The following CDH6 variants were observed in gnomAD, a reference collection of about 807,000 sequenced individuals.
The protein encoded by CDH6 is cadherin 6, also known as cadherin-6.
A neutral mutation model predicts 78.0 loss-of-function variants in CDH6; 31 were observed. The observed-to-expected ratio is 0.40, with a 90% CI of 0.30 to 0.54. CDH6 has a LOEUF of 0.54. CDH6 is among the 20% of genes least tolerant of loss of function. CDH6 has a pLI of 0.56. For synonymous variants in CDH6, 376 were observed against 368.8 expected (o/e 1.02, Z -0.23); for missense variants, 724 against 975.9 (o/e 0.74, Z 3.44).
At chr5:31,253,927 C>G (rs1424285381) in intron 1 of CDH6, among the ~76,000 whole-genome samples, 1 of 152,046 alleles carries the variant, frequency 6.6e-6, no homozygotes, top group Non-Finnish European at 1.5e-5. Flanking sequence ...ACAGTAATCC[C>G]TCCTGATCTG....
chr5:31,267,767 A>G (rs1443692843), intron 2 of CDH6, 66 bp downstream of exon 2: 4 of 1,174,740 alleles, frequency 3.4e-6, no homozygotes, highest in Non-Finnish European at 5.1e-6. Context: ...TCTAATAAAT[A>G]GATGGGGAGG....
intron 2 of CDH6, among the ~76,000 whole-genome samples, chr5:31,278,628 A>T (rs1742767143): frequency 6.6e-6 from 1 of 152,212 alleles, no homozygotes; most frequent in Admixed American, 6.5e-5. Context: ...AAGAGAAATC[A>T]TTTAAAACCT....
intron 1 of CDH6, among the ~76,000 whole-genome samples, chr5:31,257,443 G>T (rs1417133376): frequency 6.6e-6 from 1 of 152,224 alleles, no homozygotes; most frequent in African/African-American, 2.4e-5. Flanking sequence ...GATTACAGGC[G>T]TGAGCCACCG....
intron 2 of CDH6, among the ~76,000 whole-genome samples, chr5:31,286,729 A>T (rs932645976): frequency 7.2e-5 from 11 of 152,146 alleles, no homozygotes; most frequent in African/African-American, 2.7e-4. Flanking sequence ...TCTTAAGTTG[A>T]TCTAGTTACA....
chr5:31,287,944 C>G (rs1465085373), intron 2 of CDH6, among the ~76,000 whole-genome samples: 1 of 152,124 alleles, frequency 6.6e-6, no homozygotes, highest in African/African-American at 2.4e-5. Context: ...TCTTTTTTTC[C>G]TCTTTCACAT....
chr5:31,299,420 A>T, intron 4 of CDH6, 44 bp from the exon 5 acceptor site: 1 of 1,485,496 alleles, frequency 6.7e-7, no homozygotes, highest in Non-Finnish European at 9.3e-7. Context: ...TCCATAAAGT[A>T]TTCTTAATGC....
rs184768891 is a variant in CDH6, at chr5:31,276,125, G to A, written c.228+8424G>A. On this transcript the variant is annotated intron_variant, in intron 2 of 11. Transcript: ENST00000265071. ...ACCAAGATGACAATAAAATGTAACCGTCATGAACATGCTAAATACATCAGC... is the reference window on the plus strand; with the variant it reads ...ACCAAGATGACAATAAAATGTAACCATCATGAACATGCTAAATACATCAGC... Among the ~76,000 whole-genome samples the A allele has an allele frequency of 9.6e-4, 146 of 152,292 alleles. 1 individual carries two copies. The Middle Eastern group carries it at 0.017, about 18-fold the overall frequency.
At chr5:31,224,196 G>A (rs1741081269) in intron 1 of CDH6, among the ~76,000 whole-genome samples, 1 of 152,178 alleles carries the variant, frequency 6.6e-6, no homozygotes, top group Admixed American at 6.5e-5. Flanking sequence ...CATCTCACAT[G>A]GATGGCAGTA....
In CDH6 at chr5:31,323,937, G is replaced by A. The variant is rs58612348; in HGVS notation, c.*629G>A. ...GCAAATTAAACGGTAACATCCAAAA[G>A]CAACCACAAACCTAGTACGACTTCA... On this transcript the variant is annotated 3_prime_UTR_variant, in exon 12 of 12. Coordinates refer to ENST00000265071, the MANE Select transcript of CDH6 (RefSeq NM_004932.4). The A allele has an allele frequency of 5.9e-3, 1,351 of 229,272 alleles. 27 individuals are homozygous for A. Among genetic ancestry groups the A allele is most frequent in the East Asian group, 0.048 (770 of 15,956 alleles). 14.2% of individuals were successfully genotyped at this position (229,272 alleles called of 1,614,324 possible).
intron 7 of CDH6, among the ~76,000 whole-genome samples, chr5:31,308,738 A>C (rs1230103377): frequency 6.6e-6 from 1 of 152,122 alleles, no homozygotes. Context: ...GCTGCCTTCA[A>C]CTAAAAATTC....
rs552344494 is a variant in CDH6 at position 31,327,962 on chromosome 5, C to T, written c.*4654C>T. 1 of 214,390 alleles carries T rather than the reference C, an allele frequency of 4.7e-6. No individual in the cohort carries two copies. Among genetic ancestry groups the T allele is most frequent in the African/African-American group, 2.3e-5 (1 of 44,358 alleles). The allele number at this position is 214,390 out of a possible 1,614,324, so 13.3% of individuals were successfully genotyped here. ...TGCTGAGACAATCTTTAATCTACTC[C>T]CCTTTTTGTAATACCTTATTTATGG... On this transcript the variant is annotated 3_prime_UTR_variant, in exon 12 of 12. Transcript: ENST00000265071.
intron 3 of CDH6, among the ~76,000 whole-genome samples, chr5:31,295,253 A>T (rs1202153093): frequency 6.6e-6 from 1 of 152,148 alleles, no homozygotes; most frequent in Non-Finnish European, 1.5e-5. Context: ...GATGACTGGA[A>T]TTTTGTTTTT....
At chr5:31,275,816 T>A (rs903358495) in intron 2 of CDH6, among the ~76,000 whole-genome samples, 37 of 152,194 alleles carry the variant, frequency 2.4e-4, no homozygotes, top group Non-Finnish European at 4.9e-4. Context: ...TCCATTGATA[T>A]GAAAAGCCAA....
At chr5:31,198,937 C>T (rs1277730995) in intron 1 of CDH6, among the ~76,000 whole-genome samples, 2 of 152,068 alleles carry the variant, frequency 1.3e-5, no homozygotes, top group Non-Finnish European at 2.9e-5. Flanking sequence ...GGAGGAATAT[C>T]TTTTTCAAAG....
At position 31,297,556 on chromosome 5, in the gene CDH6, C is replaced by T. The variant is rs1436988722; in HGVS notation, c.643+148C>T. On this transcript the variant is annotated intron_variant, in intron 4 of 11. Transcript: ENST00000265071. Reference sequence around the variant, plus strand: ...ACTAATGATATATTTGTAAACATGACATCTGAATAATTTTAATCAAAAAAT... The same window carrying T: ...ACTAATGATATATTTGTAAACATGATATCTGAATAATTTTAATCAAAAAAT... The T allele has an allele frequency of 5.1e-6, 3 of 590,072 alleles. No individual in the cohort carries two copies. The African/African-American group carries it at 5.7e-5, about 11-fold the overall frequency. The allele number at this position is 590,072 out of a possible 1,614,324, so 36.6% of individuals were successfully genotyped here.
intron 2 of CDH6, among the ~76,000 whole-genome samples, chr5:31,278,951 T>A (rs1286920577): frequency 7.2e-5 from 11 of 152,182 alleles, no homozygotes; most frequent in Non-Finnish European, 1.6e-4. Context: ...TTGTGAAACA[T>A]AAAAATCTGG....
At chr5:31,258,343 T>C (rs1742114903) in intron 1 of CDH6, among the ~76,000 whole-genome samples, 1 of 152,102 alleles carries the variant, frequency 6.6e-6, no homozygotes, top group Non-Finnish European at 1.5e-5. Context: ...TGCAGGGACA[T>C]GGATGACGCT....
At chr5:31,255,043 A>T (rs1166056598) in intron 1 of CDH6, among the ~76,000 whole-genome samples, 1 of 152,262 alleles carries the variant, frequency 6.6e-6, no homozygotes, top group Non-Finnish European at 1.5e-5. Context: ...AGTTTTAAAT[A>T]ATTAAAGGGC....
At chr5:31,227,955 G>A (rs1741208575) in intron 1 of CDH6, among the ~76,000 whole-genome samples, 1 of 152,176 alleles carries the variant, frequency 6.6e-6, no homozygotes, top group Non-Finnish European at 1.5e-5. Context: ...AGATTTATAG[G>A]TCAGAGGTCA....
Sources: gnomAD v4.1 joint callset for allele counts (sites outside exome capture counted in the v4.1 genomes callset) on GRCh38, gnomAD v4.1.1 for gene constraint, MANE v1.5 for transcripts, NCBI Gene and HGNC (gene_info 2026-07-23, HGNC 2026-07-21) for gene names.